Variants in FRMD4B observed in about 807,000 individuals in gnomAD.
The protein encoded by FRMD4B is FERM domain containing 4B, also known as FERM domain-containing protein 4B.
FRMD4B carries 74 observed loss-of-function variants against 141.5 expected under a neutral mutation model. The observed-to-expected ratio is 0.52, with a 90% confidence interval of 0.43 to 0.63. The LOEUF (loss-of-function observed/expected upper bound fraction) is 0.63, where lower values mean the gene tolerates loss of function less well. Among genes scored for constraint, FRMD4B ranks in the 30% least tolerant of loss-of-function variants. The probability of loss-of-function intolerance (pLI) is 0.00; values close to 1 mark genes in which losing one functional copy is unlikely to be tolerated. For synonymous variants in FRMD4B, 506 were observed against 467.9 expected (o/e 1.08, Z -1.05); for missense variants, 1,366 against 1,253.4 (o/e 1.09, Z -1.36).
intron 1 of FRMD4B, among the ~76,000 whole-genome samples, chr3:69,470,085 G>A (rs1194634661): frequency 6.6e-6 from 1 of 151,966 alleles, no homozygotes; most frequent in Admixed American, 6.6e-5. Flanking sequence ...ATTTTGGATC[G>A]GTATTCTCCA....
chr3:69,501,691 C>A (rs1706500092), intron 1 of FRMD4B, among the ~76,000 whole-genome samples: 1 of 152,072 alleles, frequency 6.6e-6, no homozygotes, highest in South Asian at 2.1e-4. Flanking sequence ...GGAAATCAGG[C>A]AGGAGAAAGA....
intron 7 of FRMD4B, among the ~76,000 whole-genome samples, chr3:69,237,039 T>A (rs894271958): frequency 2.0e-5 from 3 of 152,136 alleles, no homozygotes; most frequent in Non-Finnish European, 2.9e-5. Flanking sequence ...ATTCATTTGG[T>A]CCAACCCCTA....
rs1559688329 is a variant in FRMD4B, at chr3:69,181,169, C to T, written c.2581G>A (p.Glu861Lys). Residue 861 changes from glutamate to lysine, a missense_variant, in exon 21 of 23, where the codon GAG (glutamate) becomes AAG (lysine). Physicochemically the swap from Glu to Lys is moderately conservative, Grantham distance 56. Transcript: ENST00000398540. ...GGGTTATGGGGTACCCGGTCGACCT[C>T]ATCTTCGTGAAAGGATCTGCTGTAG... ...RDYSRSFHED[E>K]VDRVPHNPYA... is the part of the protein sequence containing the mutation. 6.2e-6 allele frequency: 10 copies of T among 1,614,032 alleles called. No individual in the cohort carries two copies. The highest frequency in any genetic ancestry group is 7.6e-6 in the Non-Finnish European group (9 of 1,179,906).
intron 1 of FRMD4B, among the ~76,000 whole-genome samples, chr3:69,496,637 A>AGAGAGAGAGAGAG (rs1706399949): frequency 7.1e-5 from 4 of 56,470 alleles, no homozygotes; most frequent in Non-Finnish European, 9.8e-5. Flanking sequence ...GAGAGAGAGA[A>AGAGAGAGAGAGAG]AGAGAGAGAG....
At chr3:69,278,330 G>A (rs567154430) in intron 5 of FRMD4B, among the ~76,000 whole-genome samples, 3 of 152,216 alleles carry the variant, frequency 2.0e-5, no homozygotes, top group East Asian at 1.9e-4. Flanking sequence ...GGCAGGTCTC[G>A]CTCTGTCATC....
chr3:69,382,685 G>A (rs907613743), intron 1 of FRMD4B, among the ~76,000 whole-genome samples: 7 of 151,488 alleles, frequency 4.6e-5, no homozygotes, highest in African/African-American at 1.5e-4. Context: ...CATCAGGAGT[G>A]GGTACAGACC....
At chr3:69,209,305 A>G (rs2093053699) in intron 11 of FRMD4B, among the ~76,000 whole-genome samples, 1 of 152,070 alleles carries the variant, frequency 6.6e-6, no homozygotes, top group Non-Finnish European at 1.5e-5. Flanking sequence ...CCAATACCTA[A>G]CCAATTTTCT....
chr3:69,507,949 G>A (rs1706627116), intron 1 of FRMD4B, among the ~76,000 whole-genome samples: 1 of 152,132 alleles, frequency 6.6e-6, no homozygotes, highest in Admixed American at 6.5e-5. Context: ...TCCTACGCAA[G>A]GCCATATGGA....
intron 1 of FRMD4B, among the ~76,000 whole-genome samples, chr3:69,317,269 G>A (rs1197173599): frequency 2.6e-5 from 4 of 152,104 alleles, no homozygotes; most frequent in African/African-American, 7.2e-5. Context: ...CTGCCCCTTT[G>A]TCCTCAGTTG....
intron 5 of FRMD4B, among the ~76,000 whole-genome samples, chr3:69,285,394 G>A (rs2107049018): frequency 8.5e-6 from 1 of 118,212 alleles, no homozygotes; most frequent in South Asian, 2.9e-4. Context: ...GCATACATGA[G>A]GCCAAAAAAA....
intron 11 of FRMD4B, among the ~76,000 whole-genome samples, chr3:69,213,134 C>T (rs191962170): frequency 2.2e-4 from 33 of 152,190 alleles, no homozygotes; most frequent in Admixed American, 1.6e-3. Flanking sequence ...TATAAGTGAG[C>T]TAGAGAAATA....
intron 7 of FRMD4B, among the ~76,000 whole-genome samples, chr3:69,226,014 T>C (rs1305700555): frequency 6.6e-6 from 1 of 152,162 alleles, no homozygotes; most frequent in Non-Finnish European, 1.5e-5. Context: ...ATTTACCTCA[T>C]GTAAGGTTCA....
At chr3:69,439,358 G>C (rs944907830) in intron 1 of FRMD4B, among the ~76,000 whole-genome samples, 3 of 152,128 alleles carry the variant, frequency 2.0e-5, no homozygotes, top group Non-Finnish European at 4.4e-5. Flanking sequence ...AGTTGTGAGA[G>C]GTGTTTGGGG....
chr3:69,432,926 A>C (rs898575643), intron 1 of FRMD4B: 1 of 152,224 alleles, frequency 6.6e-6, no homozygotes, highest in African/African-American at 2.4e-5. Flanking sequence ...TTTAGAATAG[A>C]GTTCTCTCGA....
At chr3:69,365,295 T>C (rs1341235015) in intron 1 of FRMD4B, among the ~76,000 whole-genome samples, 2 of 152,202 alleles carry the variant, frequency 1.3e-5, no homozygotes, top group Non-Finnish European at 2.9e-5. Flanking sequence ...CCCAATGTTA[T>C]CGGGCAAGAA....
chr3:69,340,163 C>CT (rs57344385), intron 1 of FRMD4B, among the ~76,000 whole-genome samples: 78,558 of 150,984 alleles, frequency 0.52, 21,052 homozygotes, highest in East Asian at 0.83. Context: ...CTTTTCTTTT[C>CT]TTTTTTTTTA....
At chr3:69,199,453 C>T (rs929611941) in intron 11 of FRMD4B, among the ~76,000 whole-genome samples, 3 of 152,198 alleles carry the variant, frequency 2.0e-5, no homozygotes, top group Non-Finnish European at 4.4e-5. Flanking sequence ...GAAAGATATT[C>T]AAAGGGATAT....
chr3:69,391,335 G>C (rs1167099777), intron 2 of FRMD4B, among the ~76,000 whole-genome samples: 1 of 151,462 alleles, frequency 6.6e-6, no homozygotes, highest in Non-Finnish European at 1.5e-5. Flanking sequence ...TGCCATGTTG[G>C]TATGTTGCAC....
intron 4 of FRMD4B, among the ~76,000 whole-genome samples, chr3:69,294,701 A>G (rs1178916965): frequency 6.6e-6 from 1 of 152,182 alleles, no homozygotes; most frequent in Non-Finnish European, 1.5e-5. Flanking sequence ...GTGACCTGCC[A>G]GGAAGGGGAG....
Sources: allele counts gnomAD v4.1 joint callset (sites outside exome capture counted in the v4.1 genomes callset), GRCh38; gene constraint gnomAD v4.1.1; transcripts MANE v1.5; gene names NCBI Gene and HGNC (gene_info 2026-07-23, HGNC 2026-07-21).